The following NEO1 variants were observed in gnomAD, a reference collection of about 807,000 sequenced individuals.
NEO1 encodes the protein neogenin.
NEO1 carries 63 observed loss-of-function variants against 159.7 expected under a neutral mutation model. That is an observed-to-expected ratio of 0.39 (90% CI 0.32 to 0.49). The LOEUF (loss-of-function observed/expected upper bound fraction) is 0.49, where lower values mean the gene tolerates loss of function less well. NEO1 is among the 20% of genes least tolerant of loss of function. NEO1 has a pLI of 0.85. For missense variants in NEO1, 1,615 were observed against 1,831.0 expected, an observed-to-expected ratio of 0.88 and a Z score of 2.15; for synonymous variants, 633 against 662.0, an observed-to-expected ratio of 0.96 and a Z score of 0.67.
chr15:73,253,532 G>A, intron 12 of NEO1, 83 bp downstream of exon 12: 2 of 914,398 alleles, frequency 2.2e-6, no homozygotes, highest in Non-Finnish European at 3.3e-6. Context: ...AGATTCTGTA[G>A]GAAAGCATCA....
chr15:73,277,335 A>G (rs2041466896), intron 21 of NEO1, among the ~76,000 whole-genome samples: 1 of 152,246 alleles, frequency 6.6e-6, no homozygotes, highest in Non-Finnish European at 1.5e-5. Flanking sequence ...TTTCCCAAGC[A>G]GCTTTTCCTA....
chr15:73,296,605 A>C (rs796712041), intron 26 of NEO1, among the ~76,000 whole-genome samples: 11 of 152,228 alleles, frequency 7.2e-5, no homozygotes, highest in African/African-American at 2.6e-4. Flanking sequence ...AATGTGTTGG[A>C]TTTCTGCAGA....
chr15:73,086,561 C>CTTTTTTTTT (rs56017937), intron 1 of NEO1, among the ~76,000 whole-genome samples: 1 of 128,912 alleles, frequency 7.8e-6, no homozygotes, highest in Non-Finnish European at 1.6e-5. Context: ...TATAGTATGT[C>CTTTTTTTTT]TTTTTTTTTT....
chr15:73,196,975 A>G (rs1435321273), intron 7 of NEO1, among the ~76,000 whole-genome samples: 1 of 152,158 alleles, frequency 6.6e-6, no homozygotes, highest in African/African-American at 2.4e-5. Flanking sequence ...GTTTGTAAAT[A>G]TCTATTGGAT....
intron 1 of NEO1, among the ~76,000 whole-genome samples, chr15:73,112,096 C>T (rs1165324372): frequency 6.6e-6 from 1 of 152,112 alleles, no homozygotes; most frequent in African/African-American, 2.4e-5. Flanking sequence ...CTACCTTTCT[C>T]AATGCCCATA....
intron 27 of NEO1, among the ~76,000 whole-genome samples, chr15:73,300,982 C>T (rs1352309037): frequency 6.6e-6 from 1 of 152,200 alleles, no homozygotes; most frequent in African/African-American, 2.4e-5. Context: ...TTTGTATCCT[C>T]AGTGCAAAGG....
At position 73,266,341 on chromosome 15, in the gene NEO1, C is replaced by A. The variant is rs767541539; in HGVS notation, c.2424C>A (p.Thr808=). The A allele has an allele frequency of 1.9e-6, 3 of 1,612,520 alleles. No homozygotes were observed. The highest frequency in any genetic ancestry group is 2.5e-6 in the Non-Finnish European group (3 of 1,179,236). Residue 808 remains threonine, a synonymous_variant, in exon 16 of 29, where the codon ACC becomes ACA. Transcript: ENST00000261908. ...NLDPSSHYVI[T]LKAFNNVGEG... Reference sequence around the variant, plus strand: ...ATCCCAGCTCTCACTATGTGATTACCCTGAAAGCATTTAATAACGTGGGTG... The same window carrying A: ...ATCCCAGCTCTCACTATGTGATTACACTGAAAGCATTTAATAACGTGGGTG...
intron 12 of NEO1, among the ~76,000 whole-genome samples, chr15:73,254,007 A>C (rs2040215376): frequency 6.6e-6 from 1 of 152,184 alleles, no homozygotes; most frequent in Non-Finnish European, 1.5e-5. Flanking sequence ...TACGCAGACA[A>C]CTAAGATAAT....
In NEO1 at chr15:73,295,146, A is replaced by ATATATATATATATATATATATATAT. The variant is rs1277362385; in HGVS notation, c.3901+1598_3901+1599insTATATATATATATATATATATATAT. Among the ~76,000 whole-genome samples, 32 of 140,174 alleles carry ATATATATATATATATATATATATAT rather than the reference A, an allele frequency of 2.3e-4. 2 individuals carry two copies. The highest frequency in any genetic ancestry group is 6.6e-4 in the South Asian group (3 of 4,530). The allele number at this position is 140,174 out of a possible 152,430, so 92.0% of individuals were successfully genotyped here. A position where few individuals can be genotyped will look rare whatever the true frequency, so the allele number is the denominator to read the frequency against. On this transcript the variant is annotated intron_variant, in intron 26 of 28. Coordinates refer to ENST00000261908, the MANE Select transcript of NEO1 (RefSeq NM_002499.4). Reference sequence around the variant, plus strand: ...ATTAAATATATATATATATATATGTAAAAATTTGGCCTTTCTACTATCTCC... The same window carrying ATATATATATATATATATATATATAT: ...ATTAAATATATATATATATATATGTATATATATATATATATATATATATATAAAATTTGGCCTTTCTACTATCTCC...
At chr15:73,110,002 G>A (rs76864656) in intron 1 of NEO1, among the ~76,000 whole-genome samples, 44,772 of 151,970 alleles carry the variant, frequency 0.29, 8,017 homozygotes, top group Admixed American at 0.43. Flanking sequence ...GTTTGTTAAC[G>A]CTTAAGTGTT....
At chr15:73,173,603 A>G (rs1441680140) in intron 5 of NEO1, among the ~76,000 whole-genome samples, 4 of 152,232 alleles carry the variant, frequency 2.6e-5, no homozygotes, top group African/African-American at 4.8e-5. Context: ...TGGAGTAAAA[A>G]TAGTGAAATA....
intron 7 of NEO1, among the ~76,000 whole-genome samples, chr15:73,181,955 A>C (rs1332777148): frequency 7.2e-5 from 10 of 138,418 alleles, no homozygotes; most frequent in Non-Finnish European, 1.6e-5. Flanking sequence ...TGTTAAAGAC[A>C]TACCTGAAAC....
chr15:73,081,009 A>C (rs1007348300), intron 1 of NEO1, among the ~76,000 whole-genome samples: 6 of 152,232 alleles, frequency 3.9e-5, no homozygotes, highest in Non-Finnish European at 5.9e-5. Context: ...AAAATTTGAA[A>C]AGTCAATTTC....
At chr15:73,100,874 C>T (rs2070366558) in intron 1 of NEO1, among the ~76,000 whole-genome samples, 2 of 152,110 alleles carry the variant, frequency 1.3e-5, no homozygotes, top group African/African-American at 4.8e-5. Flanking sequence ...TTTCCACTAC[C>T]TGCAAATTCT....
At chr15:73,117,557 T>C (rs2071395572) in intron 2 of NEO1, among the ~76,000 whole-genome samples, 2 of 152,210 alleles carry the variant, frequency 1.3e-5, no homozygotes, top group African/African-American at 4.8e-5. Context: ...AATGTTATCT[T>C]TAAGTCCTGT....
intron 7 of NEO1, among the ~76,000 whole-genome samples, chr15:73,183,659 T>C (rs1008275684): frequency 6.6e-6 from 1 of 152,078 alleles, no homozygotes; most frequent in African/African-American, 2.4e-5. Context: ...CCTAGCTGCC[T>C]CAACCATGAA....
chr15:73,154,693 G>C (rs2033646409), intron 5 of NEO1, among the ~76,000 whole-genome samples: 1 of 152,116 alleles, frequency 6.6e-6, no homozygotes, highest in Non-Finnish European at 1.5e-5. Context: ...GTTTCTCTTG[G>C]TGTGAAATAT....
intron 4 of NEO1, among the ~76,000 whole-genome samples, 195 bp from the exon 5 acceptor site, chr15:73,135,696 T>C (rs981645781): frequency 1.3e-5 from 2 of 152,160 alleles, no homozygotes; most frequent in African/African-American, 4.8e-5. Flanking sequence ...TTGTGATATT[T>C]ATGCATGTAA....
Position 73,162,271 on chromosome 15 carries a change from C to G in NEO1, c.1016-14132C>G, listed in dbSNP as rs532403604. The G allele has an allele frequency of 1.9e-5, 4 of 215,104 alleles. No homozygotes were observed. The South Asian group carries it at 3.5e-4, about 19-fold the overall frequency. The allele number at this position is 215,104 out of a possible 1,614,324, so 13.3% of individuals were successfully genotyped here. ...TTACCTGATATGCACAGGCCCTGAACCATACTTCAACCCAAAGGCCATGGG... is the reference window on the plus strand; with the variant it reads ...TTACCTGATATGCACAGGCCCTGAAGCATACTTCAACCCAAAGGCCATGGG... On this transcript the variant is annotated intron_variant, in intron 5 of 28. Transcript: ENST00000261908.
Sources: allele counts gnomAD v4.1 joint callset (sites outside exome capture counted in the v4.1 genomes callset), GRCh38; gene constraint gnomAD v4.1.1; transcripts MANE v1.5; gene names NCBI Gene and HGNC (gene_info 2026-07-23, HGNC 2026-07-21).